FRY: variants seen among roughly 807,000 people sequenced by gnomAD.
FRY encodes protein furry homolog.
A neutral mutation model predicts 348.4 loss-of-function variants in FRY; 128 were observed. The ratio of observed to expected loss-of-function variants is 0.37; its 90% CI spans 0.32 to 0.43. The LOEUF is 0.43. FRY is among the 20% of genes least tolerant of loss of function. FRY has a pLI of 1.00. For synonymous variants in FRY, 1,370 were observed against 1,374.7 expected (o/e 1.00, Z 0.08); for missense variants, 2,736 against 3,695.2 (o/e 0.74, Z 6.73).
chr13:32,186,196 T>C, intron 26 of FRY, 64 bp from the exon 27 acceptor site: 1 of 1,179,804 alleles, frequency 8.5e-7, no homozygotes, highest in Non-Finnish European at 1.3e-6. Flanking sequence ...ATGTAAGAAA[T>C]ATATATAATA....
At position 32,117,330 on chromosome 13, in the gene FRY, A is replaced by G. The variant is rs750624627; in HGVS notation, c.325-4A>G. 5.6e-6 allele frequency: 9 copies of G among 1,613,704 alleles called. No homozygotes were observed. The highest frequency in any genetic ancestry group is 1.7e-5 in the Admixed American group (1 of 59,996). ...GTTCTAATCACCTGCATTTTCCTCCATAGGTCATCAGCTCAATGAGCTCCC... is the reference window on the plus strand; with the variant it reads ...GTTCTAATCACCTGCATTTTCCTCCGTAGGTCATCAGCTCAATGAGCTCCC... On this transcript the variant is annotated splice_polypyrimidine_tract_variant and splice_region_variant and intron_variant, in intron 3 of 60. Coordinates refer to ENST00000542859, the MANE Select transcript of FRY (RefSeq NM_023037.3).
Position 32,124,365 on chromosome 13 carries a change from G to C in FRY, c.544G>C (p.Val182Leu). The C allele has an allele frequency of 1.3e-6, 2 of 1,516,460 alleles. No individual in the cohort carries two copies. Among genetic ancestry groups the C allele is most frequent in the Non-Finnish European group, 1.8e-6 (2 of 1,091,984 alleles). The allele number at this position is 1,516,460 out of a possible 1,614,324, so 93.9% of individuals were successfully genotyped here. A position where few individuals can be genotyped will look rare whatever the true frequency, so the allele number is the denominator to read the frequency against. The change falls in exon 5 of 61, where the codon GTT (valine) becomes CTT (leucine). Residue 182 changes from valine to leucine, a missense_variant. By Grantham distance (32) the Val-to-Leu change is conservative. Coordinates refer to ENST00000542859, the MANE Select transcript of FRY (RefSeq NM_023037.3). ...DFIFSLVLIEVLKQIPLHPVI... is the reference protein window; with the variant it reads ...DFIFSLVLIELLKQIPLHPVI... ...TATTTTTTCTTTAGTATTAATAGAA[G>C]TTTTGAAACAGGTAGGTGATTAATT...
intron 11 of FRY, 132 bp from the exon 12 acceptor site, chr13:32,147,150 G>T (rs374371905): frequency 2.4e-5 from 16 of 663,068 alleles, no homozygotes; most frequent in Admixed American, 2.1e-5. Flanking sequence ...CCCAGGTGAT[G>T]CAATGTGTCT....
At chr13:32,100,930 C>G (rs1030999049) in intron 2 of FRY, among the ~76,000 whole-genome samples, 2 of 152,128 alleles carry the variant, frequency 1.3e-5, no homozygotes, top group African/African-American at 4.8e-5. Flanking sequence ...AATCTCCTCC[C>G]AAAGGCCCCA....
At chr13:32,069,180 G>A (rs1329375282) in intron 1 of FRY, among the ~76,000 whole-genome samples, 2 of 152,092 alleles carry the variant, frequency 1.3e-5, no homozygotes, top group Admixed American at 1.3e-4. Context: ...CTCCCAAAGT[G>A]CTGGGATTAC....
intron 31 of FRY, among the ~76,000 whole-genome samples, chr13:32,207,126 A>G (rs190304401): frequency 1.3e-5 from 2 of 152,332 alleles, no homozygotes; most frequent in Admixed American, 6.5e-5. Context: ...TGCAATTAAC[A>G]TAATAAACAA....
intron 19 of FRY, among the ~76,000 whole-genome samples, chr13:32,175,076 G>A (rs1250940836): frequency 6.6e-6 from 1 of 152,132 alleles, no homozygotes; most frequent in Non-Finnish European, 1.5e-5. Flanking sequence ...CAAAGAGTGT[G>A]TGGTCAGTCT....
rs1294814232 is a variant in FRY at position 32,194,137 on chromosome 13, A to G, written c.3592-6A>G. On this transcript the variant is annotated splice_polypyrimidine_tract_variant and splice_region_variant and intron_variant, in intron 28 of 60. Coordinates refer to ENST00000542859, the MANE Select transcript of FRY (RefSeq NM_023037.3). The stretch of plus-strand genomic sequence containing the variant: ...GGAATAATATTGATTTGCTCCATGT[A>G]TTCAGGTTCATCAACTTGGCTGCGA... 6 of 1,611,872 alleles carry G rather than the reference A, an allele frequency of 3.7e-6. No individual in the cohort carries two copies. Among genetic ancestry groups the G allele is most frequent in the Admixed American group, 3.3e-5 (2 of 60,026 alleles).
intron 59 of FRY, among the ~76,000 whole-genome samples, chr13:32,292,180 A>G (rs1317621910): frequency 3.3e-5 from 5 of 151,542 alleles, no homozygotes; most frequent in Admixed American, 2.0e-4. Context: ...ACGATGTTTC[A>G]CCTTGTTAGT....
At chr13:32,171,685 C>T (rs2138213494) in intron 18 of FRY, among the ~76,000 whole-genome samples, 1 of 152,292 alleles carries the variant, frequency 6.6e-6, no homozygotes, top group African/African-American at 2.4e-5. Context: ...CTTCCAGCCA[C>T]CTAAGAACTT....
chr13:32,036,972 C>T (rs1018590690), intron 1 of FRY, among the ~76,000 whole-genome samples: 5 of 151,924 alleles, frequency 3.3e-5, no homozygotes, highest in Non-Finnish European at 7.4e-5. Flanking sequence ...GCCTTCTTCA[C>T]CCTCTCTCCT....
chr13:32,120,679 TGAGACG>T (rs1191462063), intron 4 of FRY, among the ~76,000 whole-genome samples: 4 of 152,220 alleles, frequency 2.6e-5, no homozygotes, highest in African/African-American at 9.6e-5. Flanking sequence ...TTTGTTTGTT[TGAGACG>T]GAGTCTCACT....
chr13:32,069,977 C>T (rs1166710557), intron 1 of FRY, among the ~76,000 whole-genome samples: 1 of 150,064 alleles, frequency 6.7e-6, no homozygotes, highest in Non-Finnish European at 1.5e-5. Context: ...GGTTTTCTGT[C>T]CTTGTGATAG....
In FRY at chr13:32,249,563, ATTC is replaced by A; in HGVS notation, c.7051_7053del (p.Ser2351del). ...GGGAGGCGGTATGATGAGCTGCAGAATTCTTCTGGGCGTGATGGGAAGCCCAGG... is the reference window on the plus strand; with the variant it reads ...GGGAGGCGGTATGATGAGCTGCAGAATTCTGGGCGTGATGGGAAGCCCAGG... On this transcript the variant is annotated inframe_deletion, in exon 49 of 61. Coordinates refer to ENST00000542859, the MANE Select transcript of FRY (RefSeq NM_023037.3). 6.2e-7 allele frequency: 1 copy of A among 1,614,178 alleles called. No individual in the cohort carries two copies. The highest frequency in any genetic ancestry group is 8.5e-7 in the Non-Finnish European group (1 of 1,180,010).
At chr13:32,204,744 T>C (rs940533928) in intron 31 of FRY, among the ~76,000 whole-genome samples, 1 of 152,240 alleles carries the variant, frequency 6.6e-6, no homozygotes, top group African/African-American at 2.4e-5. Context: ...AATAAAAGCC[T>C]TTTTAGTAAA....
chr13:32,198,225 TTG>T (rs1566125912), intron 29 of FRY, among the ~76,000 whole-genome samples: 2 of 152,218 alleles, frequency 1.3e-5, no homozygotes, highest in African/African-American at 4.8e-5. Context: ...GAGGGAGGCT[TTG>T]TCTGCCCCTT....
At chr13:32,209,858 G>C (rs1884584496) in intron 33 of FRY, 127 bp downstream of exon 33, 4 of 937,896 alleles carry the variant, frequency 4.3e-6, no homozygotes, top group South Asian at 1.4e-5. Context: ...TGAATCTCCT[G>C]TGAGCTCATC....
In FRY at chr13:32,296,362, T is replaced by C. The variant is rs1163316958; in HGVS notation, c.*902T>C. On this transcript the variant is annotated 3_prime_UTR_variant, in exon 61 of 61. Coordinates refer to ENST00000542859, the MANE Select transcript of FRY (RefSeq NM_023037.3). Reference sequence around the variant, plus strand: ...GTTTGGATAGTCAGAAGTAGAATCATAAAGGTAAAATATGAGTTGTTACTT... The same window carrying C: ...GTTTGGATAGTCAGAAGTAGAATCACAAAGGTAAAATATGAGTTGTTACTT... 6.6e-6 allele frequency: 1 copy of C among 152,638 alleles called. No homozygotes were observed. Among genetic ancestry groups the C allele is most frequent in the Non-Finnish European group, 1.5e-5 (1 of 68,044 alleles). The allele number at this position is 152,638 out of a possible 1,614,324, so 9.5% of individuals were successfully genotyped here.
intron 50 of FRY, among the ~76,000 whole-genome samples, chr13:32,252,691 G>A (rs1284399296): frequency 4.0e-5 from 6 of 149,044 alleles, no homozygotes; most frequent in Non-Finnish European, 9.0e-5. Context: ...TTTCTCGGTG[G>A]AGCTATTTTT....
Sources: gnomAD v4.1 joint callset for allele counts (sites outside exome capture counted in the v4.1 genomes callset) on GRCh38, gnomAD v4.1.1 for gene constraint, MANE v1.5 for transcripts, NCBI Gene and HGNC (gene_info 2026-07-23, HGNC 2026-07-21) for gene names.